The following PTGIS variants were observed in gnomAD, a reference collection of about 807,000 sequenced individuals.
PTGIS encodes prostacyclin synthase.
PTGIS carries 45 observed loss-of-function variants against 50.3 expected under a neutral mutation model. That is an observed-to-expected ratio of 0.90 (90% CI 0.70 to 1.15). The LOEUF is 1.15. Among genes scored for constraint, PTGIS ranks in the 50% most tolerant of loss-of-function variants. PTGIS has a pLI of 0.00. For missense variants in PTGIS, 668 were observed against 661.3 expected (o/e 1.01, Z -0.11); for synonymous variants, 260 against 267.7 (o/e 0.97, Z 0.28).
intron 6 of PTGIS, among the ~76,000 whole-genome samples, chr20:49,520,614 G>A (rs1601183443): frequency 2.6e-5 from 4 of 152,064 alleles, no homozygotes; most frequent in Non-Finnish European, 5.9e-5. Context: ...GATTACAGGC[G>A]TGAGCCACTG....
intron 6 of PTGIS, among the ~76,000 whole-genome samples, chr20:49,520,280 TC>T (rs1474393636): frequency 1.3e-5 from 2 of 152,100 alleles, no homozygotes; most frequent in African/African-American, 4.8e-5. Context: ...AGTGAGGCCT[TC>T]CTGGGCCTGC....
chr20:49,512,113 A>G (rs1194067110), intron 8 of PTGIS, among the ~76,000 whole-genome samples: 2 of 151,544 alleles, frequency 1.3e-5, no homozygotes, highest in Non-Finnish European at 2.9e-5. Context: ...GGATAGATGG[A>G]TGGATTCATG....
intron 5 of PTGIS, among the ~76,000 whole-genome samples, chr20:49,534,531 G>A (rs1014753735): frequency 6.6e-6 from 1 of 152,228 alleles, no homozygotes; most frequent in African/African-American, 2.4e-5. Context: ...GAGCATCTGT[G>A]TGGAGGAAAT....
intron 9 of PTGIS, among the ~76,000 whole-genome samples, chr20:49,509,947 G>A (rs1981270825): frequency 7.0e-6 from 1 of 143,196 alleles, no homozygotes; most frequent in Admixed American, 7.2e-5. Flanking sequence ...GGAGTGCAAC[G>A]GCGCAATCTT....
At chr20:49,542,574 C>T (rs1203935134) in intron 4 of PTGIS, among the ~76,000 whole-genome samples, 1 of 152,206 alleles carries the variant, frequency 6.6e-6, no homozygotes, top group Non-Finnish European at 1.5e-5. Flanking sequence ...TCTTTGTCTG[C>T]ACAGGGACCC....
intron 7 of PTGIS, among the ~76,000 whole-genome samples, 189 bp from the exon 8 acceptor site, chr20:49,513,450 G>C (rs6019876): frequency 0.28 from 42,323 of 151,834 alleles, 6,098 homozygotes; most frequent in Middle Eastern, 0.35. Flanking sequence ...CCTCAGAGAC[G>C]TTTGAACATG....
At position 49,523,761 on chromosome 20, in the gene PTGIS, A is replaced by G. The variant is rs573444694; in HGVS notation, c.855+297T>C. Among the ~76,000 whole-genome samples the G allele has an allele frequency of 2.6e-5, 4 of 152,338 alleles. No individual in the cohort carries two copies. In the South Asian group the frequency reaches 8.3e-4, roughly 32 times the overall value. Reference sequence around the variant, plus strand: ...GCCACTGCACTCCAGCCTGGGCAACAGAGCGAGACTCTGTCTCAAAAGAAA... The same window carrying G: ...GCCACTGCACTCCAGCCTGGGCAACGGAGCGAGACTCTGTCTCAAAAGAAA... On this transcript the variant is annotated intron_variant, in intron 6 of 9. Coordinates refer to ENST00000244043, the MANE Select transcript of PTGIS (RefSeq NM_000961.4).
chr20:49,518,091 G>C (rs912042224), intron 6 of PTGIS, among the ~76,000 whole-genome samples: 1 of 152,260 alleles, frequency 6.6e-6, no homozygotes, highest in African/African-American at 2.4e-5. Flanking sequence ...TCCCCCAGGG[G>C]GAGACCCTCT....
intron 8 of PTGIS, among the ~76,000 whole-genome samples, chr20:49,511,626 T>C (rs1054649706): frequency 1.7e-4 from 26 of 152,374 alleles, no homozygotes; most frequent in African/African-American, 6.3e-4. Context: ...TATATATTAC[T>C]TTTGTAATGT....
In PTGIS at chr20:49,567,925, C is replaced by T. The variant is rs6091005; in HGVS notation, c.74+118G>A. On this transcript the variant is annotated intron_variant, in intron 1 of 9. Transcript: ENST00000244043. Reference sequence around the variant, plus strand: ...CCACCTCCGAGGGTCTCGCCTTGCCCGGGATACTGGAGCGGGACTCGGGCC... The same window carrying T: ...CCACCTCCGAGGGTCTCGCCTTGCCTGGGATACTGGAGCGGGACTCGGGCC... 0.31 allele frequency: 307,468 copies of T among 978,586 alleles called. 51,196 individuals carry two copies. Among genetic ancestry groups the T allele is most frequent in the Admixed American group, 0.35 (8,582 of 24,270 alleles). 60.6% of individuals were successfully genotyped at this position (978,586 alleles called of 1,614,324 possible).
intron 5 of PTGIS, 54 bp downstream of exon 5, chr20:49,539,516 C>A (rs1982167165): frequency 1.3e-6 from 2 of 1,586,832 alleles, no homozygotes; most frequent in East Asian, 2.3e-5. Context: ...TTGGGCTCCC[C>A]CTCTGGGTCT....
At chr20:49,565,063 C>T (rs1433900447) in intron 1 of PTGIS, among the ~76,000 whole-genome samples, 2 of 151,464 alleles carry the variant, frequency 1.3e-5, no homozygotes, top group East Asian at 1.9e-4. Context: ...CTCCATCTCC[C>T]GGCTTCATGC....
intron 5 of PTGIS, among the ~76,000 whole-genome samples, chr20:49,530,688 TG>T (rs1309073281): frequency 6.6e-6 from 1 of 152,238 alleles, no homozygotes; most frequent in African/African-American, 2.4e-5. Context: ...TTTTCATACC[TG>T]TTGCCATTTG....
At chr20:49,536,361 GTGA>G (rs1474972732) in intron 5 of PTGIS, among the ~76,000 whole-genome samples, 1 of 152,058 alleles carries the variant, frequency 6.6e-6, no homozygotes, top group East Asian at 1.9e-4. Flanking sequence ...AAGGAAATGG[GTGA>G]TGAAGTGTTT....
At chr20:49,543,732 G>A (rs1982288323) in intron 4 of PTGIS, among the ~76,000 whole-genome samples, 1 of 152,130 alleles carries the variant, frequency 6.6e-6, no homozygotes, top group South Asian at 2.1e-4. Context: ...AAGCCCCCCA[G>A]ATGCTGTCAC....
chr20:49,509,043 G>C (rs1981239263), intron 9 of PTGIS, among the ~76,000 whole-genome samples: 1 of 152,254 alleles, frequency 6.6e-6, no homozygotes, highest in South Asian at 2.1e-4. Flanking sequence ...GAGGGCAGAT[G>C]AGGAGAGAGG....
chr20:49,539,690 C>T lies in PTGIS; in HGVS notation c.553G>A (p.Ala185Thr). The stretch of plus-strand genomic sequence containing the variant: ...TGGCTTTCATGGGTGCGTGGCAGCG[C>T]CTCAATTCCGTAAAGAGTCAGGTAG... Reference protein sequence around the residue: ...AGYLTLYGIEALPRTHESQAQ... With the variant: ...AGYLTLYGIETLPRTHESQAQ... The change falls in exon 5 of 10, where the codon GCG becomes ACG. Residue 185 changes from alanine (A) to threonine (T), a missense_variant. Physicochemically the swap from Ala to Thr is moderately conservative, Grantham distance 58 (BLOSUM62 0). Coordinates refer to ENST00000244043, the MANE Select transcript of PTGIS (RefSeq NM_000961.4). The T allele has an allele frequency of 1.2e-6, 2 of 1,613,504 alleles. No homozygotes were observed. The highest frequency in any genetic ancestry group is 1.7e-6 in the Non-Finnish European group (2 of 1,179,978).
rs1011708709 is a variant in PTGIS, at chr20:49,548,082, G to A, written c.199-63C>T. The A allele has an allele frequency of 4.0e-6, 6 of 1,499,064 alleles. No homozygotes were observed. The African/African-American group carries it at 6.9e-5, about 17-fold the overall frequency. 92.9% of individuals were successfully genotyped at this position (1,499,064 alleles called of 1,614,324 possible). On this transcript the variant is annotated intron_variant, in intron 2 of 9. Coordinates refer to ENST00000244043, the MANE Select transcript of PTGIS (RefSeq NM_000961.4). ...CTGTGAACAGCAGCCGCTCTCAGTG[G>A]TCAGGGCCTTACTGTGTGCCAGGCA...
chr20:49,536,826 C>T (rs1279469101), intron 5 of PTGIS, among the ~76,000 whole-genome samples: 1 of 152,092 alleles, frequency 6.6e-6, no homozygotes, highest in Non-Finnish European at 1.5e-5. Flanking sequence ...AACAGCTGCC[C>T]TCTAGGAAGA....
Sources: allele counts gnomAD v4.1 joint callset (sites outside exome capture counted in the v4.1 genomes callset), GRCh38; gene constraint gnomAD v4.1.1; transcripts MANE v1.5; gene names NCBI Gene and HGNC (gene_info 2026-07-23, HGNC 2026-07-21).